Variants in RBM25 observed in about 807,000 individuals in gnomAD.
RBM25 encodes RNA binding motif protein 25, also known as RNA-binding protein 25.
RBM25 carries 19 observed loss-of-function variants against 120.7 expected under a neutral mutation model. The ratio of observed to expected loss-of-function variants is 0.16; its 90% CI spans 0.11 to 0.23. The LOEUF is 0.23. RBM25 is among the 10% of genes least tolerant of loss of function. The probability of loss-of-function intolerance (pLI) is 1.00; values close to 1 mark genes in which losing one functional copy is unlikely to be tolerated. For synonymous variants in RBM25, 390 were observed against 326.7 expected (o/e 1.19, Z -2.09); for missense variants, 605 against 1,041.5 (o/e 0.58, Z 5.77).
At chr14:73,101,274 G>A (rs184554918) in intron 9 of RBM25, 3 of 152,254 alleles carry the variant, frequency 2.0e-5, no homozygotes, top group African/African-American at 7.2e-5. Context: ...TGCATGTTTT[G>A]GTATGAGTTT....
rs757885567 is a variant in RBM25 at position 73,106,236 on chromosome 14, G to A, written c.1418G>A (p.Arg473Gln). 7 of 1,598,308 alleles carry A rather than the reference G, an allele frequency of 4.4e-6. No individual in the cohort carries two copies. The highest frequency in any genetic ancestry group is 6.0e-6 in the Non-Finnish European group (7 of 1,174,794). Reference sequence around the variant, plus strand: ...GAAATCAGAGAACGAAAGAAAACCCGGGAATATGAGAAAGAAGCTGAAAGA... The same window carrying A: ...GAAATCAGAGAACGAAAGAAAACCCAGGAATATGAGAAAGAAGCTGAAAGA... ...NWEIRERKKT[R>Q]EYEKEAEREE... The change falls in exon 12 of 19, where the codon CGG becomes CAG. Residue 473 changes from arginine (R) to glutamine (Q), a missense_variant. Transcript: ENST00000261973.
intron 3 of RBM25, 93 bp from the exon 4 acceptor site, chr14:73,077,276 A>G (rs1246033860): frequency 2.8e-6 from 3 of 1,087,272 alleles, no homozygotes; most frequent in East Asian, 2.5e-5. Flanking sequence ...TGTGCTATAT[A>G]TATTTATTTA....
chr14:73,064,178 A>G (rs1895072156), intron 1 of RBM25, among the ~76,000 whole-genome samples: 1 of 151,444 alleles, frequency 6.6e-6, no homozygotes, highest in South Asian at 2.1e-4. Context: ...AGTACATACC[A>G]TCTTTCAATG....
At chr14:73,071,811 C>T in intron 2 of RBM25, 64 bp downstream of exon 2, 1 of 1,316,260 alleles carries the variant, frequency 7.6e-7, no homozygotes, top group Non-Finnish European at 1.1e-6. Flanking sequence ...ATACTAACTT[C>T]AGGAAAATGT....
chr14:73,090,178 G>T (rs1455900921), intron 6 of RBM25, among the ~76,000 whole-genome samples: 1 of 151,980 alleles, frequency 6.6e-6, no homozygotes, highest in Admixed American at 6.6e-5. Context: ...GGCCTACCGA[G>T]TAGCTGAGAT....
At chr14:73,103,840 C>T (rs540329260) in intron 10 of RBM25, among the ~76,000 whole-genome samples, 1 of 151,788 alleles carries the variant, frequency 6.6e-6, no homozygotes, top group South Asian at 2.1e-4. Context: ...AAGCGTGAGT[C>T]ACTGTGCCCA....
intron 9 of RBM25, chr14:73,102,159 T>C (rs1427228229): frequency 6.6e-6 from 1 of 152,264 alleles, no homozygotes; most frequent in Non-Finnish European, 1.5e-5. Flanking sequence ...TTGTTGCAGT[T>C]TAAAATTTCA....
intron 7 of RBM25, among the ~76,000 whole-genome samples, chr14:73,098,645 G>A (rs534663000): frequency 2.8e-4 from 42 of 147,452 alleles, no homozygotes; most frequent in Admixed American, 2.6e-3. Flanking sequence ...TTTTGTTCCC[G>A]CCCCTACCCC....
Position 73,086,343 on chromosome 14 carries a change from CA to C in RBM25, c.383-1657del, listed in dbSNP as rs1298058313. Among the ~76,000 whole-genome samples the C allele has an allele frequency of 2.0e-5, 3 of 151,306 alleles. No individual in the cohort carries two copies. The East Asian group carries it at 5.8e-4, about 29-fold the overall frequency. On this transcript the variant is annotated intron_variant, in intron 5 of 18. Transcript: ENST00000261973. ...GTCTGAGCTACTCAGGAGGCTGAGG[CA>C]GGAGAATCGCTTCAACCCGGGAGGC...
intron 13 of RBM25, among the ~76,000 whole-genome samples, chr14:73,108,882 G>A (rs1896245420): frequency 6.6e-6 from 1 of 152,150 alleles, no homozygotes; most frequent in South Asian, 2.1e-4. Flanking sequence ...CTAGATAGGA[G>A]AGAACCTCTG....
rs1594899492 is a variant in RBM25 at position 73,071,499 on chromosome 14, T to G, written c.-15-128T>G. 7.5e-6 allele frequency: 5 copies of G among 668,380 alleles called. No homozygotes were observed. In the East Asian group the frequency reaches 1.4e-4, roughly 19 times the overall value. The allele number at this position is 668,380 out of a possible 1,614,324, so 41.4% of individuals were successfully genotyped here. ...GAATTCTCAATGAAAAGAGGGTCTTTGCCAATTTCTTTGGGTAAGAAAAGT... is the reference window on the plus strand; with the variant it reads ...GAATTCTCAATGAAAAGAGGGTCTTGGCCAATTTCTTTGGGTAAGAAAAGT... On this transcript the variant is annotated intron_variant, in intron 1 of 18. Transcript: ENST00000261973.
In RBM25 at chr14:73,103,990, ACACACT is replaced by A. The variant is rs1451094371; in HGVS notation, c.1154+514_1154+519del. ...CACACACACACACACACACACACAC[ACACACT>A]CTCTCTCTCTCTCTCTCTCTCACTA... On this transcript the variant is annotated intron_variant, in intron 10 of 18. Transcript: ENST00000261973. Among the ~76,000 whole-genome samples, 366 of 116,606 alleles carry A rather than the reference ACACACT, an allele frequency of 3.1e-3. 1 individual carries two copies. The highest frequency in any genetic ancestry group is 0.011 in the African/African-American group (320 of 28,396). The allele number at this position is 116,606 out of a possible 152,430, so 76.5% of individuals were successfully genotyped here.
intron 12 of RBM25, 25 bp downstream of exon 12, chr14:73,106,310 G>C (rs763562622): frequency 1.3e-6 from 2 of 1,537,240 alleles, no homozygotes; most frequent in Non-Finnish European, 1.7e-6. Flanking sequence ...TAAAATAAGT[G>C]ATTTTTCAGG....
chr14:73,074,058 ACTG>A (rs1895354995), intron 2 of RBM25, among the ~76,000 whole-genome samples: 1 of 152,214 alleles, frequency 6.6e-6, no homozygotes, highest in African/African-American at 2.4e-5. Context: ...GTTGCAGAAA[ACTG>A]AATAAAGTTA....
At chr14:73,113,655 C>T (rs1257878934) in intron 17 of RBM25, among the ~76,000 whole-genome samples, 2 of 151,778 alleles carry the variant, frequency 1.3e-5, no homozygotes, top group African/African-American at 2.4e-5. Flanking sequence ...TGCGCCATTG[C>T]ACTCCAAGCC....
intron 14 of RBM25, among the ~76,000 whole-genome samples, 172 bp from the exon 15 acceptor site, chr14:73,110,659 C>A (rs1594934509): frequency 6.6e-6 from 1 of 152,054 alleles, no homozygotes; most frequent in East Asian, 1.9e-4. Context: ...AAACTCCTGA[C>A]CTCAGATGAT....
At chr14:73,109,665 C>T (rs1294822976) in intron 14 of RBM25, among the ~76,000 whole-genome samples, 173 bp downstream of exon 14, 1 of 151,836 alleles carries the variant, frequency 6.6e-6, no homozygotes, top group East Asian at 2.0e-4. Context: ...TAGTGGTGGG[C>T]GCCTGTAGTC....
At chr14:73,066,897 T>C (rs1895149416) in intron 1 of RBM25, among the ~76,000 whole-genome samples, 1 of 152,036 alleles carries the variant, frequency 6.6e-6, no homozygotes, top group African/African-American at 2.4e-5. Context: ...GAAATGTAAA[T>C]TGAAATAAGA....
At chr14:73,106,840 C>CTTT (rs34359815) in intron 12 of RBM25, among the ~76,000 whole-genome samples, 1 of 143,008 alleles carries the variant, frequency 7.0e-6, no homozygotes, top group Non-Finnish European at 1.5e-5. Flanking sequence ...TATGTATATA[C>CTTT]TTTTTTTTTT....
Sources: allele counts gnomAD v4.1 joint callset (sites outside exome capture counted in the v4.1 genomes callset), GRCh38; gene constraint gnomAD v4.1.1; transcripts MANE v1.5; gene names NCBI Gene and HGNC (gene_info 2026-07-23, HGNC 2026-07-21).